ATOSA: variants seen among roughly 807,000 people sequenced by gnomAD.
ATOSA encodes the protein atos homolog protein A.
the ATOSA span, chr15:52,608,868 G>A: frequency 6.2e-7 from 1 of 1,608,938 alleles, no homozygotes; most frequent in Non-Finnish European, 8.5e-7. Context: ...TTATTTTTGA[G>A]TCATTTTTTT....
the ATOSA span, among the ~76,000 whole-genome samples, chr15:52,701,720 T>C: frequency 0.25 from 37,478 of 152,172 alleles, 5,233 homozygotes; most frequent in Non-Finnish European, 0.31. Context: ...TTTGCCATCA[T>C]AAGAATCTAA....
the ATOSA span, among the ~76,000 whole-genome samples, chr15:52,701,931 C>T: frequency 6.6e-6 from 1 of 151,858 alleles, no homozygotes; most frequent in Non-Finnish European, 1.5e-5. Context: ...AAGACCCCAT[C>T]TCAACTAAAA....
At chr15:52,694,974 G>A in the ATOSA span, among the ~76,000 whole-genome samples, 2 of 150,868 alleles carry the variant, frequency 1.3e-5, no homozygotes, top group East Asian at 3.9e-4. Flanking sequence ...GCCCAGGCTG[G>A]AGTGTAGTGG....
chr15:52,630,891 A>G, the ATOSA span, among the ~76,000 whole-genome samples: 1 of 152,238 alleles, frequency 6.6e-6, no homozygotes, highest in East Asian at 1.9e-4. Context: ...GTAGAACACT[A>G]TAGGATGATT....
At chr15:52,586,004 T>A in the ATOSA span, 2 of 152,230 alleles carry the variant, frequency 1.3e-5, no homozygotes, top group Non-Finnish European at 2.9e-5. Context: ...GTATACAGAA[T>A]AGAAGACATA....
At chr15:52,677,940 C>G in the ATOSA span, 1 of 1,592,658 alleles carries the variant, frequency 6.3e-7, no homozygotes, top group Admixed American at 1.7e-5. Context: ...TAGGTTAACA[C>G]TTCTAAATTG....
chr15:52,613,061 G>A, the ATOSA span, among the ~76,000 whole-genome samples: 2 of 151,990 alleles, frequency 1.3e-5, no homozygotes, highest in South Asian at 2.1e-4. Flanking sequence ...GGATGAGCCA[G>A]GGCTGAGATT....
chr15:52,682,249 A>G, the ATOSA span, among the ~76,000 whole-genome samples: 1 of 151,902 alleles, frequency 6.6e-6, no homozygotes, highest in Admixed American at 6.6e-5. Flanking sequence ...AATAGTAGGA[A>G]CCCATTGTGG....
At chr15:52,591,958 C>T in the ATOSA span, among the ~76,000 whole-genome samples, 2 of 152,154 alleles carry the variant, frequency 1.3e-5, no homozygotes, top group Non-Finnish European at 2.9e-5. Context: ...AATAAGCAGT[C>T]ACCACTCTGC....
At chr15:52,622,850 T>C in the ATOSA span, among the ~76,000 whole-genome samples, 2 of 151,998 alleles carry the variant, frequency 1.3e-5, no homozygotes, top group African/African-American at 4.8e-5. Context: ...TAGTCAGGCA[T>C]GGTGGCTCAC....
the ATOSA span, among the ~76,000 whole-genome samples, chr15:52,707,885 T>C: frequency 6.6e-6 from 1 of 152,196 alleles, no homozygotes; most frequent in Admixed American, 6.5e-5. Context: ...CAAAATGGTA[T>C]TGTTAAATTC....
chr15:52,688,435 A>G, the ATOSA span, among the ~76,000 whole-genome samples: 1 of 152,208 alleles, frequency 6.6e-6, no homozygotes, highest in Non-Finnish European at 1.5e-5. Context: ...TAGAAGTGAT[A>G]GAACTCTGGT....
the ATOSA span, among the ~76,000 whole-genome samples, chr15:52,592,378 T>C: frequency 6.6e-6 from 1 of 152,216 alleles, no homozygotes. Context: ...TGTCAACTTT[T>C]TACAGACCTG....
the ATOSA span, among the ~76,000 whole-genome samples, chr15:52,588,890 C>G: frequency 1.2e-3 from 183 of 152,342 alleles, 1 homozygote; most frequent in African/African-American, 4.2e-3. Context: ...ACATGCCAAA[C>G]TTATGTAAAA....
At chr15:52,595,411 G>A in the ATOSA span, among the ~76,000 whole-genome samples, 13 of 152,110 alleles carry the variant, frequency 8.5e-5, no homozygotes, top group Admixed American at 4.6e-4. Flanking sequence ...CATAGGAGAG[G>A]TACATACAAA....
At chr15:52,640,895 T>C in the ATOSA span, among the ~76,000 whole-genome samples, 1 of 152,004 alleles carries the variant, frequency 6.6e-6, no homozygotes, top group Non-Finnish European at 1.5e-5. Context: ...TGAAGGTTCA[T>C]CAAAAAATTA....
At chr15:52,651,741 A>G in the ATOSA span, 1 of 885,184 alleles carries the variant, frequency 1.1e-6, no homozygotes. Flanking sequence ...TGGTTTTCAA[A>G]GTGAGATAAT....
chr15:52,635,700 AAAAT>A, the ATOSA span, among the ~76,000 whole-genome samples: 1 of 152,018 alleles, frequency 6.6e-6, no homozygotes, highest in Non-Finnish European at 1.5e-5. Flanking sequence ...TATCTCAAAA[AAAAT>A]AAATCAAAAT....
At chr15:52,633,041 A>G in the ATOSA span, among the ~76,000 whole-genome samples, 1 of 152,244 alleles carries the variant, frequency 6.6e-6, no homozygotes, top group Non-Finnish European at 1.5e-5. Context: ...CAGAGCAAGT[A>G]CAGGCATGTT....
Sources: allele counts gnomAD v4.1 joint callset (sites outside exome capture counted in the v4.1 genomes callset), GRCh38; gene constraint gnomAD v4.1.1; transcripts MANE v1.5; gene names NCBI Gene and HGNC (gene_info 2026-07-23, HGNC 2026-07-21).